Variants in MDM2 observed in about 807,000 individuals in gnomAD.
MDM2 encodes the protein E3 ubiquitin-protein ligase Mdm2.
MDM2 carries 11 observed loss-of-function variants against 64.3 expected under a neutral mutation model. The observed-to-expected ratio is 0.17, with a 90% CI of 0.11 to 0.28. MDM2 has a LOEUF of 0.28. Among genes scored for constraint, MDM2 ranks in the 10% least tolerant of loss-of-function variants. MDM2 has a pLI of 1.00. For synonymous variants in MDM2, 194 were observed against 192.9 expected, an observed-to-expected ratio of 1.01 and a Z score of -0.05; for missense variants, 388 against 577.1, an observed-to-expected ratio of 0.67 and a Z score of 3.36.
chr12:68,832,726 C>T (rs1882897055), intron 8 of MDM2, among the ~76,000 whole-genome samples: 1 of 151,612 alleles, frequency 6.6e-6, no homozygotes, highest in Non-Finnish European at 1.5e-5. Context: ...GGCCTGTTGC[C>T]CAGGCTGGTC....
At chr12:68,837,693 A>C (rs1309484264) in intron 10 of MDM2, among the ~76,000 whole-genome samples, 1 of 152,162 alleles carries the variant, frequency 6.6e-6, no homozygotes, top group African/African-American at 2.4e-5. Context: ...GTATTATAGA[A>C]TGTGGTAGGA....
chr12:68,819,882 C>T (rs1298742324), intron 4 of MDM2, among the ~76,000 whole-genome samples: 9 of 152,202 alleles, frequency 5.9e-5, no homozygotes, highest in Admixed American at 5.9e-4. Flanking sequence ...ATGGATTTTG[C>T]GTAACTCAAT....
At chr12:68,848,005 A>G (rs1193206938), downstream of MDM2, 2 of 152,174 alleles carry the variant, frequency 1.3e-5, no homozygotes, top group East Asian at 1.9e-4. Context: ...TATCCAAAAA[A>G]TTGTGGTGGC....
intron 4 of MDM2, among the ~76,000 whole-genome samples, chr12:68,817,247 C>T (rs1300385162): frequency 2.0e-5 from 3 of 152,140 alleles, no homozygotes; most frequent in Non-Finnish European, 2.9e-5. Context: ...GGTTAAAGCT[C>T]TTGAAGAGAG....
At chr12:68,829,676 G>T (rs565710743) in intron 8 of MDM2, among the ~76,000 whole-genome samples, 39 of 150,574 alleles carry the variant, frequency 2.6e-4, no homozygotes, top group African/African-American at 9.3e-4. Context: ...TGAGGCAGGA[G>T]AATCGCTCGA....
At chr12:68,825,703 TTAGTAGACG>T (rs1352403971) in intron 7 of MDM2, among the ~76,000 whole-genome samples, 2 of 152,016 alleles carry the variant, frequency 1.3e-5, no homozygotes, top group Non-Finnish European at 2.9e-5. Context: ...TTGAGAACAG[TTAGTAGACG>T]TAGTAGACGA....
At chr12:68,829,198 A>T in intron 8 of MDM2, among the ~76,000 whole-genome samples, 1 of 152,216 alleles carries the variant, frequency 6.6e-6, no homozygotes, top group East Asian at 1.9e-4. Flanking sequence ...TGTATGTATT[A>T]GAGAATATTT....
chr12:68,823,722 T>C (rs943370830), intron 5 of MDM2, among the ~76,000 whole-genome samples: 1 of 152,242 alleles, frequency 6.6e-6, no homozygotes, highest in African/African-American at 2.4e-5. Flanking sequence ...TCTCTGGATG[T>C]AATATTTTCT....
At chr12:68,824,238 T>A (rs927990708) in intron 5 of MDM2, 125 bp from the exon 6 acceptor site, 2 of 624,818 alleles carry the variant, frequency 3.2e-6, no homozygotes, top group Admixed American at 6.6e-5. Context: ...AAAATACATG[T>A]TTAATGTTTA....
intron 3 of MDM2, among the ~76,000 whole-genome samples, chr12:68,816,277 C>A (rs1021040992): frequency 1.3e-5 from 2 of 148,638 alleles, no homozygotes; most frequent in African/African-American, 2.5e-5. Context: ...AGGAAAAAAA[C>A]CTCACATTTT....
At chr12:68,835,804 G>GTTATATAT (rs1219728890) in intron 8 of MDM2, 25 bp from the exon 9 acceptor site, 1 of 1,606,116 alleles carries the variant, frequency 6.2e-7, no homozygotes, top group South Asian at 1.1e-5. Context: ...TGTTTATTAA[G>GTTATATAT]TTATATATTT....
At chr12:68,834,004 C>T (rs1883110998) in intron 8 of MDM2, among the ~76,000 whole-genome samples, 2 of 152,148 alleles carry the variant, frequency 1.3e-5, no homozygotes, top group Non-Finnish European at 2.9e-5. Context: ...TTTTACTCTC[C>T]TTCCTAACAT....
chr12:68,836,300 A>T (rs1230779220), intron 9 of MDM2, among the ~76,000 whole-genome samples: 1 of 152,208 alleles, frequency 6.6e-6, no homozygotes, highest in African/African-American at 2.4e-5. Context: ...TATAAAAGTA[A>T]AACATGCATA....
chr12:68,817,387 T>A (rs1490908791), intron 4 of MDM2, among the ~76,000 whole-genome samples: 1 of 152,162 alleles, frequency 6.6e-6, no homozygotes, highest in Non-Finnish European at 1.5e-5. Context: ...GCCTTAGTTA[T>A]TTTGGAGATC....
At position 68,816,805 on chromosome 12, in the gene MDM2, A is replaced by G. The variant is rs2136121322; in HGVS notation, c.175-7A>G. 1.9e-6 allele frequency: 3 copies of G among 1,571,230 alleles called. No homozygotes were observed. Among genetic ancestry groups the G allele is most frequent in the Non-Finnish European group, 2.6e-6 (3 of 1,161,702 alleles). Reference sequence around the variant, plus strand: ...TTTAATGCTCAGAAATCATATTTGTATTTCAGGTTCTTTTTTATCTTGGCC... The same window carrying G: ...TTTAATGCTCAGAAATCATATTTGTGTTTCAGGTTCTTTTTTATCTTGGCC... On this transcript the variant is annotated splice_polypyrimidine_tract_variant and splice_region_variant and intron_variant, in intron 3 of 10. Coordinates refer to ENST00000258149, the MANE Select transcript of MDM2 (RefSeq NM_002392.6).
At chr12:68,836,113 T>G in intron 9 of MDM2, 129 bp downstream of exon 9, 13 of 763,668 alleles carry the variant, frequency 1.7e-5, no homozygotes, top group Non-Finnish European at 2.4e-5. Context: ...TTGTTTAAAC[T>G]AACACATTGG....
At chr12:68,830,355 C>T (rs952501209) in intron 8 of MDM2, among the ~76,000 whole-genome samples, 3 of 152,166 alleles carry the variant, frequency 2.0e-5, no homozygotes, top group Admixed American at 1.3e-4. Context: ...TGAACGCATA[C>T]CTGCCCTCTA....
intron 2 of MDM2, 33 bp downstream of exon 2, chr12:68,809,325 A>G: frequency 6.3e-7 from 1 of 1,576,388 alleles, no homozygotes; most frequent in Non-Finnish European, 8.7e-7. Context: ...ACTTTTAAGA[A>G]TAATTTATTT....
chr12:68,809,646 A>T (rs1592565160), intron 2 of MDM2, among the ~76,000 whole-genome samples: 1 of 152,080 alleles, frequency 6.6e-6, no homozygotes, highest in Admixed American at 6.6e-5. Flanking sequence ...TGTTTTAAAG[A>T]TTTTTGTCAT....
Sources: allele counts gnomAD v4.1 joint callset (sites outside exome capture counted in the v4.1 genomes callset), GRCh38; gene constraint gnomAD v4.1.1; transcripts MANE v1.5; gene names NCBI Gene and HGNC (gene_info 2026-07-23, HGNC 2026-07-21).